The following KAZN variants were observed in gnomAD, a reference collection of about 807,000 sequenced individuals.
The protein encoded by KAZN is kazrin.
KAZN carries 40 observed loss-of-function variants against 87.4 expected under a neutral mutation model. The ratio of observed to expected loss-of-function variants is 0.46; its 90% CI spans 0.36 to 0.60. The LOEUF (loss-of-function observed/expected upper bound fraction) is 0.60. Ranked by LOEUF, KAZN falls within the 20% of genes least tolerant of loss-of-function variation. The probability of loss-of-function intolerance (pLI) is 0.00; values close to 1 mark genes in which losing one functional copy is unlikely to be tolerated. For missense variants in KAZN, 898 were observed against 1,073.9 expected, an observed-to-expected ratio of 0.84 and a Z score of 2.29; for synonymous variants, 466 against 458.3, an observed-to-expected ratio of 1.02 and a Z score of -0.22.
At chr1:14,366,586 A>G (rs1489557296) in intron 2 of KAZN, among the ~76,000 whole-genome samples, 1 of 152,198 alleles carries the variant, frequency 6.6e-6, no homozygotes, top group East Asian at 1.9e-4. Context: ...GTGGGAGGGA[A>G]CACACAAGTG....
At chr1:14,387,299 T>C (rs1224732017) in intron 2 of KAZN, among the ~76,000 whole-genome samples, 1 of 152,326 alleles carries the variant, frequency 6.6e-6, no homozygotes, top group Admixed American at 6.5e-5. Context: ...ATCTGAAGCC[T>C]TCTTCTCTCA....
chr1:14,032,129 C>T (rs1003355807), intron 1 of KAZN, among the ~76,000 whole-genome samples: 25 of 152,150 alleles, frequency 1.6e-4, no homozygotes, highest in African/African-American at 5.1e-4. Context: ...CCCCTGGCTA[C>T]CCAATTCTTC....
rs147201196 is a variant in KAZN, at chr1:15,048,120, C to G, written c.726+3961C>G. Among the ~76,000 whole-genome samples the G allele has an allele frequency of 5.9e-3, 897 of 152,336 alleles. 6 individuals are homozygous for G. Among genetic ancestry groups the G allele is most frequent in the South Asian group, 0.042 (204 of 4,830 alleles). On this transcript the variant is annotated intron_variant, in intron 4 of 14. Transcript: ENST00000376030. Reference sequence around the variant, plus strand: ...GTGCCAAGTGAGGGGTGAGCAGCCCCTCAGGATCCAGGCATCGTCCCTCCC... The same window carrying G: ...GTGCCAAGTGAGGGGTGAGCAGCCCGTCAGGATCCAGGCATCGTCCCTCCC...
At chr1:14,473,373 A>C (rs897207908) in intron 2 of KAZN, among the ~76,000 whole-genome samples, 2 of 152,208 alleles carry the variant, frequency 1.3e-5, no homozygotes, top group African/African-American at 4.8e-5. Context: ...TCACGCCTGT[A>C]ATCCCAACAC....
Position 15,066,672 on chromosome 1 carries a change from T to C in KAZN, c.1222+919T>C. The C allele has an allele frequency of 1.1e-6, 1 of 942,856 alleles. No homozygotes were observed. The highest frequency in any genetic ancestry group is 5.4e-4 in the Middle Eastern group (1 of 1,846). The allele number at this position is 942,856 out of a possible 1,614,324, so 58.4% of individuals were successfully genotyped here. A position where few individuals can be genotyped will look rare whatever the true frequency, so the allele number is the denominator to read the frequency against. ...TTGGAATGTCTATTTTTCCATGGGGTGGGCGGGAGGTGGGTGTCTCTGTTG... is the reference window on the plus strand; with the variant it reads ...TTGGAATGTCTATTTTTCCATGGGGCGGGCGGGAGGTGGGTGTCTCTGTTG... On this transcript the variant is annotated intron_variant, in intron 8 of 14. Coordinates refer to ENST00000376030, the MANE Select transcript of KAZN (RefSeq NM_201628.3). This position sits in a 1 kb window ranked among gnomAD's most constrained non-coding sequence, Gnocchi z 4.3.
At chr1:14,590,388 CAGA>C (rs1676123285) in intron 2 of KAZN, among the ~76,000 whole-genome samples, 1 of 152,110 alleles carries the variant, frequency 6.6e-6, no homozygotes, top group Non-Finnish European at 1.5e-5. Flanking sequence ...GGAAGGGACA[CAGA>C]AGGTCTCTCA....
intron 1 of KAZN, among the ~76,000 whole-genome samples, chr1:14,855,609 T>C (rs1650002434): frequency 6.6e-6 from 1 of 152,268 alleles, no homozygotes; most frequent in African/African-American, 2.4e-5. Flanking sequence ...TGTTATAGGG[T>C]CTTCCTTGCT....
intron 2 of KAZN, among the ~76,000 whole-genome samples, chr1:15,016,104 G>A (rs1670067545): frequency 1.3e-5 from 2 of 152,174 alleles, no homozygotes; most frequent in Non-Finnish European, 2.9e-5. Context: ...GAAGAGAAGA[G>A]AAGAGAGGAG....
intron 2 of KAZN, among the ~76,000 whole-genome samples, chr1:14,533,870 C>T (rs1373759703): frequency 6.6e-6 from 1 of 152,212 alleles, no homozygotes; most frequent in Non-Finnish European, 1.5e-5. Context: ...TGTCTGCTCA[C>T]ATACAAGAGT....
chr1:13,941,086 C>T (rs6697129), intron 1 of KAZN, among the ~76,000 whole-genome samples: 82,768 of 151,812 alleles, frequency 0.55, 22,890 homozygotes, highest in Admixed American at 0.67. Flanking sequence ...CCCAGCTACT[C>T]GGGAGGCTGA....
chr1:14,668,607 CCT>C (rs1193841059), intron 1 of KAZN, among the ~76,000 whole-genome samples: 1 of 152,132 alleles, frequency 6.6e-6, no homozygotes, highest in Non-Finnish European at 1.5e-5. Context: ...CTCCCCACTT[CCT>C]CTCTCTTCTT....
chr1:15,017,797 T>TC (rs201096730), intron 2 of KAZN, among the ~76,000 whole-genome samples: 4,181 of 148,992 alleles, frequency 0.028, 88 homozygotes, highest in Non-Finnish European at 0.042. Context: ...AGAGCGAAAC[T>TC]CCATCTCAAA....
rs1643927915 is a variant in KAZN, at chr1:14,736,969, T to TATGATC, written c.226+137746_226+137747insATGATC. Among the ~76,000 whole-genome samples the TATGATC allele has an allele frequency of 2.0e-5, 3 of 152,248 alleles. No individual in the cohort carries two copies. In the South Asian group the frequency reaches 6.2e-4, roughly 32 times the overall value. On this transcript the variant is annotated intron_variant, in intron 1 of 14. Coordinates refer to ENST00000376030, the MANE Select transcript of KAZN (RefSeq NM_201628.3). ...AATCCTTGACCTGAGAGAGCCGACT[T>TATGATC]TCTTATGAAAGAGATCGGCGATCGA...
chr1:14,151,334 T>G (rs1399224618), intron 1 of KAZN, among the ~76,000 whole-genome samples: 2 of 152,114 alleles, frequency 1.3e-5, no homozygotes, highest in African/African-American at 4.8e-5. Flanking sequence ...TCTATAAAAT[T>G]TAGTGCCCCA....
intron 1 of KAZN, among the ~76,000 whole-genome samples, chr1:14,842,636 G>A (rs1306648392): frequency 6.6e-6 from 1 of 152,226 alleles, no homozygotes; most frequent in Non-Finnish European, 1.5e-5. Flanking sequence ...TCATTTCCAT[G>A]TACAATGTTT....
intron 1 of KAZN, among the ~76,000 whole-genome samples, chr1:14,068,802 T>C (rs1297783486): frequency 2.4e-5 from 3 of 125,698 alleles, no homozygotes; most frequent in South Asian, 2.3e-4. Context: ...GAGTTCTCTT[T>C]TTTTTTTTTT....
intron 1 of KAZN, among the ~76,000 whole-genome samples, chr1:14,647,110 T>G (rs946125801): frequency 2.0e-5 from 3 of 152,226 alleles, no homozygotes; most frequent in African/African-American, 7.2e-5. Flanking sequence ...CCCTGGGTAT[T>G]TCCCTTGGCT....
At chr1:14,924,697 C>A (rs914383447) in intron 1 of KAZN, 3 of 442,754 alleles carry the variant, frequency 6.8e-6, no homozygotes, top group African/African-American at 2.1e-5. Flanking sequence ...GTTCTCGCAG[C>A]GCGCGGAGCC....
chr1:15,014,744 G>C (rs1205747676), intron 2 of KAZN, among the ~76,000 whole-genome samples: 4 of 152,170 alleles, frequency 2.6e-5, no homozygotes, highest in Admixed American at 2.6e-4. Flanking sequence ...CAATTCTAAA[G>C]GGATGGTCAG....
Sources: allele counts gnomAD v4.1 joint callset (sites outside exome capture counted in the v4.1 genomes callset), GRCh38; gene constraint gnomAD v4.1.1; non-coding constraint Gnocchi (gnomAD v3.1); transcripts MANE v1.5; gene names NCBI Gene and HGNC (gene_info 2026-07-23, HGNC 2026-07-21).